SREBF2: variants seen among roughly 807,000 people sequenced by gnomAD.
SREBF2 encodes the protein sterol regulatory element binding transcription factor 2.
In SREBF2, 55 loss-of-function variants were observed where a neutral mutation model predicts 113.1. The observed-to-expected ratio is 0.49, with a 90% CI of 0.39 to 0.61. The LOEUF (loss-of-function observed/expected upper bound fraction) is 0.61. Ranked by LOEUF, SREBF2 falls within the 20% of genes least tolerant of loss-of-function variation. SREBF2 has a pLI of 0.00. For synonymous variants in SREBF2, 593 were observed against 605.7 expected (o/e 0.98, Z 0.31); for missense variants, 1,349 against 1,487.4 (o/e 0.91, Z 1.53).
rs371828133 is a variant in SREBF2, at chr22:41,867,009, A to G, written c.267A>G (p.Gln89=). 20 of 1,614,068 alleles carry G rather than the reference A, an allele frequency of 1.2e-5. No homozygotes were observed. The African/African-American group carries it at 2.4e-4, about 19-fold the overall frequency. The change falls in exon 2 of 19, where the codon CAA becomes CAG. Residue 89 remains glutamine (Q), a synonymous_variant. Transcript: ENST00000361204. ...GCGGAGCTGTGGACCCTTCAGTGCA[A>G]CGGTCATTCACCCAGGTCACATTAC... ...SSSGAVDPSV[Q]RSFTQVTLPS...
At chr22:41,835,484 AT>A (rs2148333322) in intron 1 of SREBF2, among the ~76,000 whole-genome samples, 1 of 151,566 alleles carries the variant, frequency 6.6e-6, no homozygotes, top group African/African-American at 2.4e-5. Context: ...CTAATTTTGT[AT>A]TTTTAGTAGA....
chr22:41,834,168 C>A (rs2076746598), intron 1 of SREBF2, among the ~76,000 whole-genome samples: 1 of 152,176 alleles, frequency 6.6e-6, no homozygotes, highest in African/African-American at 2.4e-5. Context: ...CAGCGGCTTG[C>A]TCAAGGTCAC....
At chr22:41,857,023 T>C (rs914874655) in intron 1 of SREBF2, among the ~76,000 whole-genome samples, 1 of 146,186 alleles carries the variant, frequency 6.8e-6, no homozygotes, top group Non-Finnish European at 1.5e-5. Flanking sequence ...GCTGAGATCA[T>C]GCCACTGCAC....
At chr22:41,886,779 A>G (rs1377955120) in intron 11 of SREBF2, among the ~76,000 whole-genome samples, 1 of 152,226 alleles carries the variant, frequency 6.6e-6, no homozygotes, top group Non-Finnish European at 1.5e-5. Flanking sequence ...TACCCCTGTA[A>G]TCCCGGCACT....
intron 10 of SREBF2, 149 bp from the exon 11 acceptor site, chr22:41,884,693 A>G: frequency 2.4e-6 from 2 of 816,708 alleles, no homozygotes; most frequent in Non-Finnish European, 2.1e-6. Flanking sequence ...AGAGCCTGGC[A>G]TCCCATCCTG....
rs542206431 is a variant in SREBF2, at chr22:41,858,805, A to G, written c.89-8026A>G. Among the ~76,000 whole-genome samples, 5 of 152,128 alleles carry G rather than the reference A, an allele frequency of 3.3e-5. No homozygotes were observed. The South Asian group carries it at 8.3e-4, about 25-fold the overall frequency. On this transcript the variant is annotated intron_variant, in intron 1 of 18. Coordinates refer to ENST00000361204, the MANE Select transcript of SREBF2 (RefSeq NM_004599.4). Reference sequence around the variant, plus strand: ...AGGGTTAAGGATCACAACAATAAAAAATCTCATAGGTGACCAAAAAAAGGA... The same window carrying G: ...AGGGTTAAGGATCACAACAATAAAAGATCTCATAGGTGACCAAAAAAAGGA...
chr22:41,873,871 A>G lies in SREBF2; in HGVS notation c.941A>G (p.Lys314Arg). ...VMMGQEKVPI[K>R]QVPGGVKQLE... The stretch of plus-strand genomic sequence containing the variant: ...ATGGGGCAAGAGAAAGTGCCCATTA[A>G]GCAGGTACCTGGGGGAGTCAAGCAG... Residue 314 changes from lysine to arginine, a missense_variant, in exon 5 of 19, where the codon AAG becomes AGG. Lys to Arg is a conservative substitution (Grantham distance 26, BLOSUM62 2). Around this residue, in one of 2 missense-constraint regions of SREBF2, gnomAD observed 699 missense variants for 843.3 expected, o/e 0.83. Coordinates refer to ENST00000361204, the MANE Select transcript of SREBF2 (RefSeq NM_004599.4). The G allele has an allele frequency of 6.2e-7, 1 of 1,613,938 alleles. No individual in the cohort carries two copies. Among genetic ancestry groups the G allele is most frequent in the East Asian group, 2.2e-5 (1 of 44,886 alleles).
Position 41,877,965 on chromosome 22 carries a change from A to G in SREBF2, c.1603A>G (p.Met535Val). The change falls in exon 9 of 19, where the codon ATG (methionine) becomes GTG (valine). Residue 535 changes from methionine (M) to valine (V), a missense_variant. Met to Val is a conservative substitution (Grantham distance 21, BLOSUM62 1). Transcript: ENST00000361204. ...ESGSGGWFDW[M>V]MPTLLLWLVN... ...AGGTTCTGGGGGCTGGTTTGACTGG[A>G]TGATGCCTACTCTTCTCTTATGGCT... 1 of 1,614,056 alleles carries G rather than the reference A, an allele frequency of 6.2e-7. No individual in the cohort carries two copies. Among genetic ancestry groups the G allele is most frequent in the Non-Finnish European group, 8.5e-7 (1 of 1,180,010 alleles).
At chr22:41,895,759 C>T (rs1407427383) in intron 13 of SREBF2, among the ~76,000 whole-genome samples, 3 of 152,016 alleles carry the variant, frequency 2.0e-5, no homozygotes, top group East Asian at 3.9e-4. Context: ...TTATGTATCC[C>T]TTTACCAAGC....
intron 11 of SREBF2, among the ~76,000 whole-genome samples, chr22:41,892,471 A>C (rs2077372619): frequency 6.6e-6 from 1 of 151,884 alleles, no homozygotes; most frequent in East Asian, 1.9e-4. Context: ...AACACGGTGA[A>C]ACCCCGTCTC....
At chr22:41,862,343 A>G (rs1259425824) in intron 1 of SREBF2, among the ~76,000 whole-genome samples, 5 of 152,208 alleles carry the variant, frequency 3.3e-5, no homozygotes, top group Admixed American at 3.3e-4. Context: ...GAACCCAGAT[A>G]CAGTTTCCTG....
At chr22:41,900,557 C>A in intron 16 of SREBF2, 59 bp downstream of exon 16, 1 of 1,546,884 alleles carries the variant, frequency 6.5e-7, no homozygotes, top group Non-Finnish European at 8.9e-7. Context: ...TACGAGAACA[C>A]TCCCACTCAC....
rs745933097 is a variant in SREBF2 at position 41,893,337 on chromosome 22, G to A, written c.2377+52G>A. 37 of 1,595,966 alleles carry A rather than the reference G, an allele frequency of 2.3e-5. No individual in the cohort carries two copies. The African/African-American group carries it at 2.5e-4, about 11-fold the overall frequency. On this transcript the variant is annotated intron_variant, in intron 12 of 18. Transcript: ENST00000361204. Reference sequence around the variant, plus strand: ...ATTGGAGAAAGCCATGCAAACCGCCGGTACTACAGAGTCACTGCACCAGAC... The same window carrying A: ...ATTGGAGAAAGCCATGCAAACCGCCAGTACTACAGAGTCACTGCACCAGAC...
Position 41,873,791 on chromosome 22 carries a change from A to C in SREBF2, c.868-7A>C. ...ATCATTCTGCTGTGTACCTGTCCCT[A>C]TTCTAGACCCTGGTGGGCAGCAGTG... is the stretch of plus-strand genomic sequence containing the variant. On this transcript the variant is annotated splice_region_variant and splice_polypyrimidine_tract_variant and intron_variant, in intron 4 of 18. Transcript: ENST00000361204. 6 of 1,597,630 alleles carry C rather than the reference A, an allele frequency of 3.8e-6. No homozygotes were observed. The highest frequency in any genetic ancestry group is 5.1e-6 in the Non-Finnish European group (6 of 1,171,398).
At chr22:41,845,281 CAG>C (rs2076867376) in intron 1 of SREBF2, among the ~76,000 whole-genome samples, 1 of 152,046 alleles carries the variant, frequency 6.6e-6, no homozygotes, top group South Asian at 2.1e-4. Context: ...GGCACTGAGA[CAG>C]AGAAATTAGA....
chr22:41,893,197 C>T lies in SREBF2; in HGVS notation c.2289C>T (p.His763=), dbSNP rs757962980. 1.9e-6 allele frequency: 3 copies of T among 1,614,184 alleles called. No individual in the cohort carries two copies. Among genetic ancestry groups the T allele is most frequent in the Middle Eastern group, 1.7e-4 (1 of 6,060 alleles). Reference sequence around the variant, plus strand: ...CTGACTCCCTGCGCTGGCTCTGCCACCCCCTGGGCCAGAAGTTTTTCATGG... The same window carrying T: ...CTGACTCCCTGCGCTGGCTCTGCCATCCCCTGGGCCAGAAGTTTTTCATGG... ...AVPDSLRWLC[H]PLGQKFFMER... Residue 763 remains histidine, a synonymous_variant, in exon 12 of 19, where the codon CAC becomes CAT. Transcript: ENST00000361204.
chr22:41,895,010 T>A, intron 13 of SREBF2, 73 bp downstream of exon 13: 1 of 1,189,162 alleles, frequency 8.4e-7, no homozygotes, highest in Non-Finnish European at 1.2e-6. Context: ...CCTGAAGGCC[T>A]GCACTCCTGG....
At chr22:41,897,334 G>A (rs2077425579) in intron 14 of SREBF2, among the ~76,000 whole-genome samples, 173 bp downstream of exon 14, 1 of 152,154 alleles carries the variant, frequency 6.6e-6, no homozygotes, top group Non-Finnish European at 1.5e-5. Flanking sequence ...AGCACTCAGA[G>A]GCAGGAAACT....
At position 41,903,086 on chromosome 22, in the gene SREBF2, G is replaced by A. The variant is rs1403427107; in HGVS notation, c.3024G>A (p.Leu1008=). 11 of 1,584,606 alleles carry A rather than the reference G, an allele frequency of 6.9e-6. No individual in the cohort carries two copies. The highest frequency in any genetic ancestry group is 9.4e-6 in the Non-Finnish European group (11 of 1,165,382). The change falls in exon 17 of 19, where the codon CTG becomes CTA. Residue 1008 remains leucine, a synonymous_variant. Coordinates refer to ENST00000361204, the MANE Select transcript of SREBF2 (RefSeq NM_004599.4). The part of the protein sequence containing the change: ...GETYHASGAE[L]AGFQRDLGSL... ...CCTACCACGCGTCAGGCGCTGAACTGGCGGGCTTCCAACGGGACCTGGGCA... is the reference window on the plus strand; with the variant it reads ...CCTACCACGCGTCAGGCGCTGAACTAGCGGGCTTCCAACGGGACCTGGGCA...
Sources: gnomAD v4.1 joint callset for allele counts (sites outside exome capture counted in the v4.1 genomes callset) on GRCh38, gnomAD v4.1.1 for gene constraint, gnomAD v4.1.1 regional missense constraint, MANE v1.5 for transcripts, NCBI Gene and HGNC (gene_info 2026-07-23, HGNC 2026-07-21) for gene names.